ANO4: variants seen among roughly 807,000 people sequenced by gnomAD.
ANO4 encodes the protein anoctamin-4.
Under a neutral mutation model 141.9 loss-of-function variants are expected in ANO4, and 69 were observed. That is an observed-to-expected ratio of 0.49 (90% confidence interval 0.40 to 0.59). The LOEUF (loss-of-function observed/expected upper bound fraction) is 0.59. Among genes scored for constraint, ANO4 ranks in the 20% least tolerant of loss-of-function variants. ANO4 has a pLI of 0.00. For missense variants in ANO4, 894 were observed against 1,162.2 expected, an observed-to-expected ratio of 0.77 and a Z score of 3.36; for synonymous variants, 350 against 394.3, an observed-to-expected ratio of 0.89 and a Z score of 1.33.
intron 1 of ANO4, among the ~76,000 whole-genome samples, chr12:100,889,593 C>T (rs139440131): frequency 1.4e-3 from 216 of 152,318 alleles, no homozygotes; most frequent in African/African-American, 5.0e-3. Context: ...TGAGCAGACA[C>T]TTCTCAAAAG....
At chr12:101,103,414 C>T (rs929068104) in intron 22 of ANO4, among the ~76,000 whole-genome samples, 3 of 150,856 alleles carry the variant, frequency 2.0e-5, no homozygotes, top group African/African-American at 7.3e-5. Context: ...TTTCATATAT[C>T]CCTAGGTTGC....
chr12:100,904,971 G>T (rs140043452), intron 2 of ANO4, among the ~76,000 whole-genome samples: 123 of 152,250 alleles, frequency 8.1e-4, no homozygotes, highest in African/African-American at 2.9e-3. Context: ...CTAATGGATT[G>T]GATGTAGGGT....
intron 1 of ANO4, among the ~76,000 whole-genome samples, chr12:100,731,275 T>C (rs2031368913): frequency 6.6e-6 from 1 of 152,230 alleles, no homozygotes. Flanking sequence ...CTATTTAATA[T>C]GACTCTTGTA....
intron 26 of ANO4, among the ~76,000 whole-genome samples, chr12:101,121,884 C>A (rs2051111715): frequency 6.6e-6 from 1 of 151,352 alleles, no homozygotes. Flanking sequence ...GCCTCAGCCT[C>A]CTGAGTAGGT....
chr12:101,104,655 A>ATG (rs1309374125), intron 22 of ANO4, among the ~76,000 whole-genome samples: 1 of 63,276 alleles, frequency 1.6e-5, no homozygotes, highest in Non-Finnish European at 2.9e-5. Context: ...ATATATATAT[A>ATG]TATATATATA....
Position 101,103,181 on chromosome 12 carries a change from TTTTATATATATATATATATATATATATA to T in ANO4, c.2149+3463_2149+3490del, listed in dbSNP as rs200737160. On this transcript the variant is annotated intron_variant, in intron 22 of 27. Transcript: ENST00000392977. ...AACTTTACATTTTCCTTTTTAGTCA[TTTTATATATATATATATATATATATATA>T]TATATATATATATATATATATCTTT... Among the ~76,000 whole-genome samples the T allele has an allele frequency of 3.3e-3, 300 of 90,662 alleles. 13 individuals are homozygous for T. The highest frequency in any genetic ancestry group is 0.013 in the African/African-American group (252 of 19,108). The allele number at this position is 90,662 out of a possible 152,430, so 59.5% of individuals were successfully genotyped here.
intron 1 of ANO4, among the ~76,000 whole-genome samples, chr12:100,727,126 A>C (rs1373756087): frequency 3.3e-5 from 5 of 152,198 alleles, no homozygotes; most frequent in Admixed American, 3.3e-4. Context: ...CCATGGGCTT[A>C]AGAAGAATAT....
intron 1 of ANO4, among the ~76,000 whole-genome samples, chr12:100,831,514 T>G (rs2036631535): frequency 6.6e-6 from 1 of 152,038 alleles, no homozygotes; most frequent in Admixed American, 6.6e-5. Context: ...GGAAAAATAA[T>G]TAGCTTGTTT....
intron 3 of ANO4, among the ~76,000 whole-genome samples, chr12:100,777,919 ATTTTT>A (rs373496240): frequency 1.5e-5 from 2 of 134,912 alleles, no homozygotes; most frequent in Non-Finnish European, 1.6e-5. Flanking sequence ...AATGCTTACA[ATTTTT>A]TTTTTTTTTT....
chr12:100,921,516 G>A (rs554895215), intron 2 of ANO4, among the ~76,000 whole-genome samples: 2 of 152,242 alleles, frequency 1.3e-5, no homozygotes, highest in South Asian at 4.1e-4. Flanking sequence ...ACTTTAAGAA[G>A]CTTTTAGAAG....
At chr12:100,833,963 A>G (rs2036767178) in intron 1 of ANO4, among the ~76,000 whole-genome samples, 1 of 152,104 alleles carries the variant, frequency 6.6e-6, no homozygotes, top group South Asian at 2.1e-4. Flanking sequence ...GATACAAGCA[A>G]TAGAAAGGAT....
Position 100,901,828 on chromosome 12 carries a change from G to C in ANO4, c.43G>C (p.Val15Leu). The C allele has an allele frequency of 1.2e-6, 2 of 1,609,086 alleles. No homozygotes were observed. Among genetic ancestry groups the C allele is most frequent in the Non-Finnish European group, 1.7e-6 (2 of 1,177,946 alleles). Reference protein sequence around the residue: ...SSGITNGKTKVFHPEGGVDLQ... With the variant: ...SSGITNGKTKLFHPEGGVDLQ... ...TGGAATCACTAATGGAAAAACCAAA[G>C]TCTTCCACCCAGGTGATGCATGGGG... Residue 15 changes from valine to leucine, a missense_variant, in exon 2 of 28, where the codon GTC (valine) becomes CTC (leucine). Val to Leu is a conservative substitution (Grantham distance 32). Around this residue, in one of 2 missense-constraint regions of ANO4, gnomAD observed 257 missense variants for 253.0 expected, o/e 1.02. Coordinates refer to ENST00000392977, the MANE Select transcript of ANO4 (RefSeq NM_001286615.2).
intron 6 of ANO4, 106 bp from the exon 7 acceptor site, chr12:100,974,739 C>A: frequency 8.1e-7 from 1 of 1,229,458 alleles, no homozygotes; most frequent in Non-Finnish European, 1.2e-6. Context: ...TCTTCTTCAC[C>A]TCTTACAGGC....
intron 8 of ANO4, among the ~76,000 whole-genome samples, chr12:101,007,968 C>T (rs566188701): frequency 5.9e-5 from 9 of 152,102 alleles, no homozygotes; most frequent in South Asian, 2.1e-4. Flanking sequence ...ATCTATGAGG[C>T]GACTTCCCTC....
At chr12:100,859,803 A>C (rs1295885340) in intron 1 of ANO4, among the ~76,000 whole-genome samples, 1 of 152,092 alleles carries the variant, frequency 6.6e-6, no homozygotes, top group African/African-American at 2.4e-5. Flanking sequence ...GTGGGTACTT[A>C]ATACTATTAG....
Position 100,785,457 on chromosome 12 carries a change from T to G in ANO4, c.358+45352T>G, listed in dbSNP as rs536890946. On this transcript the variant is annotated intron_variant, in intron 3 of 29. Transcript: ENST00000644049. ...TTGATATTTTTACTGTTTTCCTAGTTTTGCCTTTTCTAGACTGTCATAGAG... is the reference window on the plus strand; with the variant it reads ...TTGATATTTTTACTGTTTTCCTAGTGTTGCCTTTTCTAGACTGTCATAGAG... Among the ~76,000 whole-genome samples, 7 of 152,286 alleles carry G rather than the reference T, an allele frequency of 4.6e-5. No individual in the cohort carries two copies. The South Asian group carries it at 1.5e-3, about 32-fold the overall frequency.
chr12:100,849,376 T>G (rs1279024668), intron 1 of ANO4, among the ~76,000 whole-genome samples: 2 of 152,196 alleles, frequency 1.3e-5, no homozygotes, highest in Non-Finnish European at 2.9e-5. Context: ...TAAAATAGTA[T>G]ACAGGGAAGA....
chr12:100,783,662 A>T (rs1415502064), intron 3 of ANO4, among the ~76,000 whole-genome samples: 1 of 152,142 alleles, frequency 6.6e-6, no homozygotes, highest in East Asian at 1.9e-4. Context: ...GGGTGGCTAG[A>T]TGAGCAGGCA....
At chr12:100,820,819 A>T (rs992420009) in intron 1 of ANO4, among the ~76,000 whole-genome samples, 14 of 152,066 alleles carry the variant, frequency 9.2e-5, no homozygotes, top group Non-Finnish European at 2.1e-4. Context: ...GAAAATGATA[A>T]AGTGATGGAT....
Sources: allele counts gnomAD v4.1 joint callset (sites outside exome capture counted in the v4.1 genomes callset), GRCh38; gene constraint gnomAD v4.1.1; regional missense constraint gnomAD v4.1.1; transcripts MANE v1.5; gene names NCBI Gene and HGNC (gene_info 2026-07-23, HGNC 2026-07-21).